The following ADAM9 variants were observed in gnomAD, a reference collection of about 807,000 sequenced individuals.
ADAM9 encodes disintegrin and metalloproteinase domain-containing protein 9.
A neutral mutation model predicts 108.1 loss-of-function variants in ADAM9; 54 were observed. The observed-to-expected ratio is 0.50, with a 90% CI of 0.40 to 0.63. ADAM9 has a LOEUF of 0.63. Among genes scored for constraint, ADAM9 ranks in the 20% least tolerant of loss-of-function variants. ADAM9 has a pLI of 0.00. For synonymous variants in ADAM9, 316 were observed against 336.0 expected, an observed-to-expected ratio of 0.94 and a Z score of 0.65; for missense variants, 830 against 997.7, an observed-to-expected ratio of 0.83 and a Z score of 2.26.
intron 14 of ADAM9, among the ~76,000 whole-genome samples, chr8:39,060,840 G>A (rs1382068967): frequency 6.6e-6 from 1 of 152,232 alleles, no homozygotes; most frequent in Non-Finnish European, 1.5e-5. Flanking sequence ...CAGTGAAGGT[G>A]TATTGCTGGC....
At chr8:39,035,437 T>G (rs1267852508) in intron 11 of ADAM9, among the ~76,000 whole-genome samples, 2 of 152,226 alleles carry the variant, frequency 1.3e-5, no homozygotes, top group Non-Finnish European at 2.9e-5. Context: ...TTGGACTTTA[T>G]CTGCTCGTTT....
chr8:39,099,871 GTTTGTTT>G (rs1427025398), intron 20 of ADAM9, among the ~76,000 whole-genome samples: 1 of 104,802 alleles, frequency 9.5e-6, no homozygotes, highest in East Asian at 3.0e-4. Flanking sequence ...GGGGTATCGT[GTTTGTTT>G]TTTTTTTTTT....
chr8:39,045,406 AT>A (rs1837704072), intron 12 of ADAM9, among the ~76,000 whole-genome samples: 1 of 137,946 alleles, frequency 7.2e-6, no homozygotes, highest in African/African-American at 3.1e-5. Flanking sequence ...ACACACCTAT[AT>A]GTGCGCGTGT....
intron 3 of ADAM9, 132 bp downstream of exon 3, chr8:39,011,848 C>A: frequency 3.5e-6 from 3 of 845,196 alleles, no homozygotes; most frequent in South Asian, 1.5e-5. Context: ...CATATTGGTG[C>A]TGCACAGTGG....
intron 2 of ADAM9, among the ~76,000 whole-genome samples, chr8:39,009,446 C>T (rs1204699111): frequency 1.3e-5 from 2 of 152,126 alleles, no homozygotes; most frequent in African/African-American, 2.4e-5. Context: ...GCCATGTTGG[C>T]CAGGCTGGTC....
chr8:39,054,143 A>G (rs1838039864), intron 12 of ADAM9, among the ~76,000 whole-genome samples: 2 of 152,240 alleles, frequency 1.3e-5, no homozygotes, highest in South Asian at 2.1e-4. Flanking sequence ...CTCACTAGAA[A>G]CTGAACTAGT....
At chr8:39,010,044 T>C (rs1028252594) in intron 2 of ADAM9, among the ~76,000 whole-genome samples, 2 of 143,280 alleles carry the variant, frequency 1.4e-5, no homozygotes, top group Non-Finnish European at 3.0e-5. Context: ...AGAAGGGGGA[T>C]AGGGAGGCTG....
intron 3 of ADAM9, 45 bp from the exon 4 acceptor site, chr8:39,013,920 T>C: frequency 2.8e-6 from 4 of 1,444,858 alleles, no homozygotes; most frequent in South Asian, 1.1e-5. Flanking sequence ...TCCTTAGTTG[T>C]AGATAGATAA....
intron 12 of ADAM9, among the ~76,000 whole-genome samples, chr8:39,044,867 T>TGTGCACAC (rs1837566450): frequency 6.8e-6 from 1 of 147,716 alleles, no homozygotes; most frequent in African/African-American, 2.7e-5. Flanking sequence ...TGTGTGTGTG[T>TGTGCACAC]ATACATACAT....
At chr8:39,031,718 G>A (rs1837100553) in intron 11 of ADAM9, among the ~76,000 whole-genome samples, 1 of 152,224 alleles carries the variant, frequency 6.6e-6, no homozygotes, top group South Asian at 2.1e-4. Flanking sequence ...ATCCTTTGGA[G>A]GAGAAGGGGC....
chr8:38,997,203 A>AG (rs774563735), intron 1 of ADAM9, 43 bp downstream of exon 1: 4 of 1,565,872 alleles, frequency 2.6e-6, no homozygotes, highest in Non-Finnish European at 3.4e-6. Flanking sequence ...GCTGCTTCCT[A>AG]GGGACGGGGC....
intron 1 of ADAM9, among the ~76,000 whole-genome samples, chr8:39,006,520 T>C (rs60963280): frequency 0.086 from 8,214 of 95,242 alleles, 628 homozygotes; most frequent in East Asian, 0.5. Flanking sequence ...AGGAGGAGAG[T>C]ATGAGAGTAG....
chr8:39,003,974 A>G (rs923981150), intron 1 of ADAM9, among the ~76,000 whole-genome samples: 1 of 152,208 alleles, frequency 6.6e-6, no homozygotes, highest in Non-Finnish European at 1.5e-5. Context: ...CTTGGTTTCT[A>G]GTTTTGGCCT....
chr8:39,046,077 C>G (rs900654582), intron 12 of ADAM9, among the ~76,000 whole-genome samples: 20 of 151,866 alleles, frequency 1.3e-4, no homozygotes, highest in African/African-American at 4.4e-4. Flanking sequence ...GACAATTTAC[C>G]AATTTTAATT....
At chr8:39,005,336 ATAAT>A (rs1836127316) in intron 1 of ADAM9, among the ~76,000 whole-genome samples, 1 of 152,358 alleles carries the variant, frequency 6.6e-6, no homozygotes, top group South Asian at 2.1e-4. Flanking sequence ...AGTAAGATTA[ATAAT>A]TAATAAGTGT....
intron 9 of ADAM9, among the ~76,000 whole-genome samples, chr8:39,024,358 C>G (rs1326078668): frequency 6.6e-6 from 1 of 152,134 alleles, no homozygotes; most frequent in African/African-American, 2.4e-5. Context: ...CTCACTATGC[C>G]TTGCCCAACC....
At chr8:39,084,599 C>G (rs1554585741) in intron 18 of ADAM9, among the ~76,000 whole-genome samples, 1 of 148,190 alleles carries the variant, frequency 6.7e-6, no homozygotes, top group Non-Finnish European at 1.5e-5. Flanking sequence ...TTTTTTTAAA[C>G]TTGTCTTGTA....
intron 20 of ADAM9, among the ~76,000 whole-genome samples, chr8:39,096,088 A>G (rs1243310879): frequency 6.6e-6 from 1 of 151,984 alleles, no homozygotes; most frequent in African/African-American, 2.4e-5. Context: ...AAAAAAATCA[A>G]TTATGGATAC....
intron 1 of ADAM9, 45 bp downstream of exon 1, chr8:38,997,205 G>T: frequency 6.4e-7 from 1 of 1,560,622 alleles, no homozygotes; most frequent in Non-Finnish European, 8.6e-7. Flanking sequence ...TGCTTCCTAG[G>T]GACGGGGCGC....
Sources: allele counts gnomAD v4.1 joint callset (sites outside exome capture counted in the v4.1 genomes callset), GRCh38; gene constraint gnomAD v4.1.1; transcripts MANE v1.5; gene names NCBI Gene and HGNC (gene_info 2026-07-23, HGNC 2026-07-21).